NRSN2: variants seen among roughly 807,000 people sequenced by gnomAD.
The protein encoded by NRSN2 is neurensin-2.
Under a neutral mutation model 11.1 loss-of-function variants are expected in NRSN2, and 10 were observed. That is an observed-to-expected ratio of 0.90 (90% confidence interval 0.56 to 1.53). The LOEUF (loss-of-function observed/expected upper bound fraction) is 1.53. Ranked by LOEUF, NRSN2 falls within the 40% of genes most tolerant of loss-of-function variation. NRSN2 has a pLI of 0.00. For synonymous variants in NRSN2, 100 were observed against 117.0 expected, an observed-to-expected ratio of 0.86 and a Z score of 0.94; for missense variants, 260 against 273.7, an observed-to-expected ratio of 0.95 and a Z score of 0.35.
In NRSN2 at chr20:353,613, T is replaced by C; in HGVS notation, c.593T>C (p.Ile198Thr). Reference sequence around the variant, plus strand: ...TTTGGGCAATCTTCTGTGCAGACTATCCAGCCCAAGAGGGACTCCTGAGCT... The same window carrying C: ...TTTGGGCAATCTTCTGTGCAGACTACCCAGCCCAAGAGGGACTCCTGAGCT... ...SPFGQSSVQT[I>T]QPKRDS Residue 198 changes from isoleucine (I) to threonine (T), a missense_variant, in exon 5 of 5, where the codon ATC becomes ACC. By Grantham distance (89) the Ile-to-Thr change is moderately conservative. Transcript: ENST00000382285. 2 of 1,614,168 alleles carry C rather than the reference T, an allele frequency of 1.2e-6. No homozygotes were observed. The highest frequency in any genetic ancestry group is 2.2e-5 in the South Asian group (2 of 91,088).
intron 4 of NRSN2, among the ~76,000 whole-genome samples, chr20:350,428 G>A (rs1384702567): frequency 6.8e-6 from 1 of 146,152 alleles, no homozygotes; most frequent in African/African-American, 2.6e-5. Context: ...GCAGTGAGCT[G>A]AGATCAATCC....
intron 2 of NRSN2, chr20:348,296 C>G (rs1362945681): frequency 6.6e-6 from 1 of 152,598 alleles, no homozygotes; most frequent in Admixed American, 6.5e-5. Context: ...TCCGACGGTC[C>G]TTCGCTTTCA....
intron 4 of NRSN2, among the ~76,000 whole-genome samples, chr20:350,822 G>A (rs1390774383): frequency 1.3e-5 from 2 of 152,058 alleles, no homozygotes; most frequent in Non-Finnish European, 2.9e-5. Context: ...TCCTCATGGT[G>A]CCCCTACCCT....
In NRSN2 at chr20:353,749, C is replaced by A. The variant is rs2014185517; in HGVS notation, c.*114C>A. The A allele has an allele frequency of 4.4e-6, 5 of 1,123,984 alleles. No individual in the cohort carries two copies. The highest frequency in any genetic ancestry group is 2.6e-5 in the East Asian group (1 of 38,052). 69.6% of individuals were successfully genotyped at this position (1,123,984 alleles called of 1,614,324 possible). Reference sequence around the variant, plus strand: ...TTAGCAGGGTCCCTTTAGAGCCCAACTCCAGGTCAAATCTGGAGCTCAAAT... The same window carrying A: ...TTAGCAGGGTCCCTTTAGAGCCCAAATCCAGGTCAAATCTGGAGCTCAAAT... On this transcript the variant is annotated 3_prime_UTR_variant, in exon 5 of 5. Coordinates refer to ENST00000382285, the MANE Select transcript of NRSN2 (RefSeq NM_001323682.2).
Position 353,714 on chromosome 20 carries a change from C to A in NRSN2, c.*79C>A. 1 of 1,452,058 alleles carries A rather than the reference C, an allele frequency of 6.9e-7. No homozygotes were observed. The highest frequency in any genetic ancestry group is 9.4e-7 in the Non-Finnish European group (1 of 1,065,788). 89.9% of individuals were successfully genotyped at this position (1,452,058 alleles called of 1,614,324 possible). A position where few individuals can be genotyped will look rare whatever the true frequency, so the allele number is the denominator to read the frequency against. ...TAACCCCCTCTCAGTGTTTCCCCAA[C>A]TTCTCCCTTTTAGCAGGGTCCCTTT... On this transcript the variant is annotated 3_prime_UTR_variant, in exon 5 of 5. Transcript: ENST00000382285.
intron 4 of NRSN2, 73 bp downstream of exon 4, chr20:349,905 AG>A (rs2013793993): frequency 8.3e-6 from 12 of 1,450,632 alleles, no homozygotes; most frequent in Non-Finnish European, 1.1e-5. Context: ...TGAGGCTCAG[AG>A]GAAAAAAGAA....
At chr20:350,675 A>T (rs75706310) in intron 4 of NRSN2, among the ~76,000 whole-genome samples, 2 of 99,602 alleles carry the variant, frequency 2.0e-5, no homozygotes, top group Admixed American at 1.9e-4. Context: ...AAAAAAAAAA[A>T]AGAAAAAAGA....
intron 3 of NRSN2, 80 bp from the exon 4 acceptor site, chr20:349,558 T>C (rs1387104722): frequency 1.7e-6 from 2 of 1,208,902 alleles, no homozygotes; most frequent in Non-Finnish European, 2.3e-6. Context: ...GGCACAAAGA[T>C]TTAGGGGGCT....
At chr20:351,655 CT>C in intron 4 of NRSN2, among the ~76,000 whole-genome samples, 1 of 152,196 alleles carries the variant, frequency 6.6e-6, no homozygotes, top group Non-Finnish European at 1.5e-5. Context: ...AACAAAATAT[CT>C]GTAATATGAG....
In NRSN2 at chr20:348,483, C is replaced by CGGTGTGTG. The variant is rs1568514032; in HGVS notation, c.-121-766_-121-765insGGTGTGTG. 173 of 32,332 alleles carry CGGTGTGTG rather than the reference C, an allele frequency of 5.4e-3. 1 individual carries two copies. Among genetic ancestry groups the CGGTGTGTG allele is most frequent in the African/African-American group, 0.029 (167 of 5,702 alleles). The allele number at this position is 32,332 out of a possible 1,614,324, so 2.0% of individuals were successfully genotyped here. A position where few individuals can be genotyped will look rare whatever the true frequency, so the allele number is the denominator to read the frequency against. ...GTGTGACTCCAAGCAGAACCTCCAA[C>CGGTGTGTG]CGTGTGTGTGTGTGTGTGTGTGTGT... On this transcript the variant is annotated intron_variant, in intron 2 of 4. Coordinates refer to ENST00000382285, the MANE Select transcript of NRSN2 (RefSeq NM_001323682.2).
In NRSN2 at chr20:347,136, CAG is replaced by C. The variant is rs1202339816; in HGVS notation, c.-202_-201del. The C allele has an allele frequency of 6.6e-6, 1 of 152,316 alleles. No individual in the cohort carries two copies. The highest frequency in any genetic ancestry group is 2.4e-5 in the African/African-American group (1 of 41,442). The allele number at this position is 152,316 out of a possible 1,614,324, so 9.4% of individuals were successfully genotyped here. A position where few individuals can be genotyped will look rare whatever the true frequency, so the allele number is the denominator to read the frequency against. On this transcript the variant is annotated 5_prime_UTR_variant, in exon 1 of 5. Coordinates refer to ENST00000382285, the MANE Select transcript of NRSN2 (RefSeq NM_001323682.2). This position sits in a 1 kb window ranked among gnomAD's most constrained non-coding sequence, Gnocchi z 7.0. ...GCCTTTGCTCGGCGGAGACAGCAGG[CAG>C]AGAGGTGAGCTTAGCCCTGCCCCAC... is the stretch of plus-strand genomic sequence containing the variant.
intron 4 of NRSN2, among the ~76,000 whole-genome samples, chr20:350,646 C>CAAAAAAAAAAA (rs56188179): frequency 1.6e-3 from 65 of 39,398 alleles, no homozygotes; most frequent in Middle Eastern, 0.028. Flanking sequence ...GACTCTGTCT[C>CAAAAAAAAAAA]AAAAAAAAAA....
Position 353,580 on chromosome 20 carries a change from C to T in NRSN2, c.560C>T (p.Ala187Val), listed in dbSNP as rs1349732778. 1 of 1,614,220 alleles carries T rather than the reference C, an allele frequency of 6.2e-7. No individual in the cohort carries two copies. The part of the protein sequence containing the change: ...ASGQSWFSPP[A>V]SPFGQSSVQT... ...GGCCAGTCATGGTTCTCGCCACCCG[C>T]CAGCCCCTTTGGGCAATCTTCTGTG... The change falls in exon 5 of 5, where the codon GCC (alanine) becomes GTC (valine). Residue 187 changes from alanine (A) to valine (V), a missense_variant. Ala to Val is a moderately conservative substitution (Grantham distance 64). Coordinates refer to ENST00000382285, the MANE Select transcript of NRSN2 (RefSeq NM_001323682.2).
intron 4 of NRSN2, among the ~76,000 whole-genome samples, chr20:350,666 A>G (rs1477474289): frequency 2.5e-5 from 3 of 120,686 alleles, no homozygotes; most frequent in African/African-American, 6.6e-5. Flanking sequence ...AAAAAAAAAA[A>G]AAAAAAAAAA....
Position 353,256 on chromosome 20 carries a change from C to T in NRSN2, c.236C>T (p.Ala79Val). Residue 79 changes from alanine to valine, a missense_variant, in exon 5 of 5, where the codon GCT becomes GTT. Transcript: ENST00000382285. Reference sequence around the variant, plus strand: ...CTGCTTCTGCTGCTGGGTGTGGCGGCTCTGACCACTGGCTATGCAGTGCCC... The same window carrying T: ...CTGCTTCTGCTGCTGGGTGTGGCGGTTCTGACCACTGGCTATGCAGTGCCC... ...GTLLLLLGVA[A>V]LTTGYAVPPK... The T allele has an allele frequency of 6.2e-7, 1 of 1,614,072 alleles. No individual in the cohort carries two copies. Among genetic ancestry groups the T allele is most frequent in the South Asian group, 1.1e-5 (1 of 91,084 alleles).
At chr20:353,119 C>A in intron 4 of NRSN2, 91 bp from the exon 5 acceptor site, 1 of 1,190,272 alleles carries the variant, frequency 8.4e-7, no homozygotes, top group Non-Finnish European at 1.2e-6. Flanking sequence ...CAAGGGGTTA[C>A]CCTTAAGTCT....
rs2014189933 is a variant in NRSN2 at position 353,807 on chromosome 20, A to G, written c.*172A>G. ...CTCCCTCCCCAGGAGTGGGGCCCCA[A>G]CTCTTCCAAGATACCAGCATTCCTC... is the stretch of plus-strand genomic sequence containing the variant. On this transcript the variant is annotated 3_prime_UTR_variant, in exon 5 of 5. Transcript: ENST00000382285. The G allele has an allele frequency of 1.5e-6, 1 of 645,340 alleles. No homozygotes were observed. The highest frequency in any genetic ancestry group is 2.6e-6 in the Non-Finnish European group (1 of 388,044). The allele number at this position is 645,340 out of a possible 1,614,324, so 40.0% of individuals were successfully genotyped here.
chr20:348,704 A>G (rs1365888834), intron 2 of NRSN2, among the ~76,000 whole-genome samples: 2 of 151,824 alleles, frequency 1.3e-5, no homozygotes, highest in African/African-American at 4.8e-5. Flanking sequence ...TTCATTTTGC[A>G]GGAGGCTGCT....
At chr20:351,094 T>C (rs1325396402) in intron 4 of NRSN2, among the ~76,000 whole-genome samples, 1 of 152,138 alleles carries the variant, frequency 6.6e-6, no homozygotes, top group Non-Finnish European at 1.5e-5. Context: ...CTGGGTGTGG[T>C]GATGGGCGCC....
Sources: allele counts gnomAD v4.1 joint callset (sites outside exome capture counted in the v4.1 genomes callset), GRCh38; gene constraint gnomAD v4.1.1; non-coding constraint Gnocchi (gnomAD v3.1); transcripts MANE v1.5; gene names NCBI Gene and HGNC (gene_info 2026-07-23, HGNC 2026-07-21).